The following BRWD1 variants were observed in gnomAD, a reference collection of about 807,000 sequenced individuals.
BRWD1 encodes bromodomain and WD repeat domain containing 1.
A neutral mutation model predicts 251.2 loss-of-function variants in BRWD1; 82 were observed. The ratio of observed to expected loss-of-function variants is 0.33; its 90% CI spans 0.27 to 0.39. The LOEUF (loss-of-function observed/expected upper bound fraction) is 0.39, where lower values mean the gene tolerates loss of function less well. Among genes scored for constraint, BRWD1 ranks in the 10% least tolerant of loss-of-function variants. The probability of loss-of-function intolerance (pLI) is 1.00; values close to 1 mark genes in which losing one functional copy is unlikely to be tolerated. For missense variants in BRWD1, 2,233 were observed against 2,711.6 expected (o/e 0.82, Z 3.92); for synonymous variants, 918 against 902.8 (o/e 1.02, Z -0.30).
Position 39,193,577 on chromosome 21 carries a change from AG to A in BRWD1, c.*2681del, listed in dbSNP as rs1378570938. Reference sequence around the variant, plus strand: ...TAAAACCATAAATGAATAAAACCATAGGACTTTGGACATACACAACCAAAGT... The same window carrying A: ...TAAAACCATAAATGAATAAAACCATAGACTTTGGACATACACAACCAAAGT... On this transcript the variant is annotated 3_prime_UTR_variant, in exon 41 of 41. Transcript: ENST00000342449. 1 of 985,276 alleles carries A rather than the reference AG, an allele frequency of 1.0e-6. No homozygotes were observed. Among genetic ancestry groups the A allele is most frequent in the Non-Finnish European group, 1.2e-6 (1 of 829,548 alleles). The allele number at this position is 985,276 out of a possible 1,614,324, so 61.0% of individuals were successfully genotyped here. A position where few individuals can be genotyped will look rare whatever the true frequency, so the allele number is the denominator to read the frequency against.
chr21:39,289,752 C>T (rs917603684), intron 8 of BRWD1, among the ~76,000 whole-genome samples: 5 of 151,976 alleles, frequency 3.3e-5, no homozygotes, highest in African/African-American at 9.7e-5. Context: ...AGGCCGGGCA[C>T]GGTGGCTCAC....
chr21:39,189,982 CTTG>C lies in BRWD1; in HGVS notation c.*6274_*6276del. On this transcript the variant is annotated 3_prime_UTR_variant, in exon 41 of 41. Transcript: ENST00000342449. ...TACAAAGTCATTGAGTGCTTGAGGA[CTTG>C]TTTTCCTGGAAGTGATTCCCTACTT... 1 of 985,364 alleles carries C rather than the reference CTTG, an allele frequency of 1.0e-6. No homozygotes were observed. The highest frequency in any genetic ancestry group is 1.2e-6 in the Non-Finnish European group (1 of 829,918). 61.0% of individuals were successfully genotyped at this position (985,364 alleles called of 1,614,324 possible). A position where few individuals can be genotyped will look rare whatever the true frequency, so the allele number is the denominator to read the frequency against.
At chr21:39,218,385 A>G (rs970230075) in intron 30 of BRWD1, 113 bp from the exon 31 acceptor site, 1 of 1,439,174 alleles carries the variant, frequency 6.9e-7, no homozygotes, top group African/African-American at 1.4e-5. Context: ...GGCTAAATTA[A>G]AAGATAACCA....
At chr21:39,311,140 C>T (rs894615150) in intron 4 of BRWD1, among the ~76,000 whole-genome samples, 8 of 151,668 alleles carry the variant, frequency 5.3e-5, no homozygotes, top group African/African-American at 1.9e-4. Context: ...AGCAATTCTA[C>T]CAACAAAAGC....
At chr21:39,295,671 T>A in intron 7 of BRWD1, 72 bp downstream of exon 7, 1 of 1,222,042 alleles carries the variant, frequency 8.2e-7, no homozygotes, top group Non-Finnish European at 1.1e-6. Flanking sequence ...GAAACTAAGA[T>A]TTCCTAGATG....
chr21:39,198,466 C>T (rs768053830), intron 40 of BRWD1, among the ~76,000 whole-genome samples: 10 of 152,160 alleles, frequency 6.6e-5, no homozygotes, highest in Non-Finnish European at 1.2e-4. Context: ...TCAAGCCCAT[C>T]TCTAATATAA....
At position 39,320,055 on chromosome 21, in the gene BRWD1, C is replaced by T. The variant is rs944913104; in HGVS notation, n.534+971G>A. Among the ~76,000 whole-genome samples the T allele has an allele frequency of 5.9e-5, 9 of 152,184 alleles. No individual in the cohort carries two copies. In the South Asian group the frequency reaches 1.9e-3, roughly 32 times the overall value. ...TGTGGAGGACATTCTACTCTCCTCC[C>T]TCCCTGCTCCACACCCAGGAAAGAT... On this transcript the variant is annotated intron_variant and non_coding_transcript_variant, in intron 1 of 4. Transcript: ENST00000470108.
Position 39,191,045 on chromosome 21 carries a change from G to GA in BRWD1, c.*5213dup, listed in dbSNP as rs1164664808. ...TCATAAAAGCCTTATTTTGAAATAT[G>GA]AATTCAGGGACTTTATACTTAACTG... On this transcript the variant is annotated 3_prime_UTR_variant, in exon 41 of 41. Transcript: ENST00000342449. 1 of 984,964 alleles carries GA rather than the reference G, an allele frequency of 1.0e-6. No individual in the cohort carries two copies. The highest frequency in any genetic ancestry group is 1.1e-4 in the East Asian group (1 of 8,828). The allele number at this position is 984,964 out of a possible 1,614,324, so 61.0% of individuals were successfully genotyped here.
At chr21:39,225,584 T>C (rs956774535) in intron 27 of BRWD1, among the ~76,000 whole-genome samples, 4 of 152,204 alleles carry the variant, frequency 2.6e-5, no homozygotes, top group Non-Finnish European at 5.9e-5. Flanking sequence ...CTTCGGGATA[T>C]AGATCAACAG....
chr21:39,276,222 G>C lies in BRWD1; in HGVS notation c.1105-9C>G. 1.3e-6 allele frequency: 2 copies of C among 1,593,310 alleles called. No individual in the cohort carries two copies. The highest frequency in any genetic ancestry group is 8.6e-7 in the Non-Finnish European group (1 of 1,166,828). On this transcript the variant is annotated splice_polypyrimidine_tract_variant and intron_variant, in intron 11 of 40. Transcript: ENST00000342449. ...ATACTATCTACTTTATCCTAAAGGG[G>C]GGAAAAGGACAAATACAAAAATGAT...
At chr21:39,305,953 G>A (rs1355964690) in intron 4 of BRWD1, among the ~76,000 whole-genome samples, 2 of 151,786 alleles carry the variant, frequency 1.3e-5, no homozygotes, top group South Asian at 2.1e-4. Context: ...AGGATCACCT[G>A]TGCCCAGGAG....
At position 39,229,275 on chromosome 21, in the gene BRWD1, A is replaced by C. The variant is rs138988059; in HGVS notation, c.3125+37T>G. The C allele has an allele frequency of 8.5e-6, 13 of 1,524,614 alleles. No homozygotes were observed. In the African/African-American group the frequency reaches 9.8e-5, roughly 11 times the overall value. 94.4% of individuals were successfully genotyped at this position (1,524,614 alleles called of 1,614,324 possible). A position where few individuals can be genotyped will look rare whatever the true frequency, so the allele number is the denominator to read the frequency against. ...ATTCAATCAGCAAAATGGCAAATTT[A>C]AATTTAAGTAATTCCATTTTAAAAA... On this transcript the variant is annotated intron_variant, in intron 26 of 40. Transcript: ENST00000342449.
At chr21:39,317,737 C>G (rs2036712738), upstream of BRWD1, among the ~76,000 whole-genome samples, 1 of 152,212 alleles carries the variant, frequency 6.6e-6, no homozygotes, top group Non-Finnish European at 1.5e-5. Context: ...CTCTTAGATT[C>G]TGTTATTCCC....
intron 16 of BRWD1, 82 bp from the exon 17 acceptor site, chr21:39,264,767 T>A: frequency 2.7e-6 from 4 of 1,498,782 alleles, no homozygotes; most frequent in South Asian, 1.2e-5. Flanking sequence ...TAATTAAAAC[T>A]AGAAAAACAA....
intron 14 of BRWD1, 33 bp downstream of exon 14, chr21:39,270,250 C>G: frequency 6.7e-7 from 1 of 1,495,394 alleles, no homozygotes; most frequent in Non-Finnish European, 8.9e-7. Context: ...TTCAAAAAAT[C>G]TCATTTGTTA....
chr21:39,206,820 A>G (rs1457312387), intron 36 of BRWD1, among the ~76,000 whole-genome samples: 1 of 152,248 alleles, frequency 6.6e-6, no homozygotes, highest in Non-Finnish European at 1.5e-5. Flanking sequence ...TGTTTTAACA[A>G]TGTTTACAAT....
At chr21:39,207,483 C>CACACACACA (rs1439646306) in intron 36 of BRWD1, among the ~76,000 whole-genome samples, 2 of 148,300 alleles carry the variant, frequency 1.3e-5, no homozygotes, top group Non-Finnish European at 3.0e-5. Flanking sequence ...CACACACACA[C>CACACACACA]AAACAAAACT....
intron 1 of BRWD1, among the ~76,000 whole-genome samples, chr21:39,319,998 C>T (rs534108687): frequency 1.3e-5 from 2 of 152,226 alleles, no homozygotes; most frequent in South Asian, 4.1e-4. Context: ...GCTGTCACCT[C>T]AAACCCAAAC....
At chr21:39,279,834 C>T (rs1227090923) in intron 9 of BRWD1, among the ~76,000 whole-genome samples, 1 of 152,008 alleles carries the variant, frequency 6.6e-6, no homozygotes, top group East Asian at 1.9e-4. Flanking sequence ...GTATACAATA[C>T]AGGTCTTATG....
Sources: allele counts gnomAD v4.1 joint callset (sites outside exome capture counted in the v4.1 genomes callset), GRCh38; gene constraint gnomAD v4.1.1; transcripts MANE v1.5; gene names NCBI Gene and HGNC (gene_info 2026-07-23, HGNC 2026-07-21).